SLC5A12: variants seen among roughly 807,000 people sequenced by gnomAD.
SLC5A12 encodes the protein sodium-coupled monocarboxylate transporter 2.
Under a neutral mutation model 72.7 loss-of-function variants are expected in SLC5A12, and 46 were observed. The ratio of observed to expected loss-of-function variants is 0.63; its 90% CI spans 0.50 to 0.81. The LOEUF (loss-of-function observed/expected upper bound fraction) is 0.81, where lower values mean the gene tolerates loss of function less well. Among genes scored for constraint, SLC5A12 ranks in the 30% least tolerant of loss-of-function variants. The pLI is 0.00. For missense variants in SLC5A12, 683 were observed against 740.7 expected, an observed-to-expected ratio of 0.92 and a Z score of 0.90; for synonymous variants, 275 against 264.4, an observed-to-expected ratio of 1.04 and a Z score of -0.39.
chr11:26,678,726 A>C lies in SLC5A12; in HGVS notation c.1565T>G (p.Ile522Ser). ...CLGCIVAGVIISLITGRQRGE... is the reference protein window; with the variant it reads ...CLGCIVAGVISSLITGRQRGE... ...TTATAACCAACCTGTTATGAGGCTG[A>C]TGATTACTCCAGCAACAATGCATCC... The change falls in exon 13 of 15, where the codon ATC becomes AGC. Residue 522 changes from isoleucine (I) to serine (S), a missense_variant. Physicochemically the swap from Ile to Ser is moderately radical, Grantham distance 142. Transcript: ENST00000396005. 2.5e-6 allele frequency: 4 copies of C among 1,612,442 alleles called. No homozygotes were observed. Among genetic ancestry groups the C allele is most frequent in the Non-Finnish European group, 3.4e-6 (4 of 1,178,944 alleles).
At chr11:26,679,370 T>G (rs1854337771) in intron 12 of SLC5A12, among the ~76,000 whole-genome samples, 1 of 152,128 alleles carries the variant, frequency 6.6e-6, no homozygotes, top group African/African-American at 2.4e-5. Flanking sequence ...GGAATTAGCA[T>G]TCTAAGAAGA....
chr11:26,693,831 A>G (rs1854742858), intron 8 of SLC5A12, among the ~76,000 whole-genome samples: 1 of 152,114 alleles, frequency 6.6e-6, no homozygotes, highest in South Asian at 2.1e-4. Flanking sequence ...ATATCTGAAA[A>G]CTAATTGCTT....
chr11:26,697,688 G>A (rs1485743281), intron 7 of SLC5A12, among the ~76,000 whole-genome samples: 1 of 152,100 alleles, frequency 6.6e-6, no homozygotes, highest in Non-Finnish European at 1.5e-5. Flanking sequence ...TTTAAGTTAT[G>A]CTGAGAAGAC....
intron 11 of SLC5A12, among the ~76,000 whole-genome samples, chr11:26,682,800 T>C (rs1266581274): frequency 6.6e-6 from 1 of 152,166 alleles, no homozygotes; most frequent in Non-Finnish European, 1.5e-5. Flanking sequence ...TTCCCTCACA[T>C]TATCTCCCCA....
chr11:26,711,344 T>C lies in SLC5A12; in HGVS notation c.420A>G (p.Gly140=). ...CCAGGGCAGGAGCATACACCACCAC[T>C]CCTGTGTAGAGAATCTGGTAGAGAA... ...IYIVQTILYT[G]VVVYAPALAL... is the part of the protein sequence containing the mutation. The change falls in exon 3 of 15, where the codon GGA becomes GGG. Residue 140 remains glycine (G), a synonymous_variant. Coordinates refer to ENST00000396005, the MANE Select transcript of SLC5A12 (RefSeq NM_178498.4). 1.2e-6 allele frequency: 2 copies of C among 1,611,600 alleles called. No homozygotes were observed. The highest frequency in any genetic ancestry group is 1.7e-6 in the Non-Finnish European group (2 of 1,178,492).
intron 12 of SLC5A12, among the ~76,000 whole-genome samples, chr11:26,679,586 T>C (rs1434165288): frequency 6.6e-6 from 1 of 152,072 alleles, no homozygotes; most frequent in African/African-American, 2.4e-5. Flanking sequence ...TCTTGAAAGA[T>C]AAACAGATTT....
rs1565179565 is a variant in SLC5A12, at chr11:26,669,207, C to CTTTCTT, written c.*1889_*1894dup. ...TCTTCTTTTCTTTCTTTCTTTCTTT[C>CTTTCTT]TTTCTTTCTTTCTCTCTCTCCCTCC... On this transcript the variant is annotated 3_prime_UTR_variant, in exon 15 of 15. Coordinates refer to ENST00000396005, the MANE Select transcript of SLC5A12 (RefSeq NM_178498.4). 1.5e-4 allele frequency: 18 copies of CTTTCTT among 119,432 alleles called. No homozygotes were observed. Among genetic ancestry groups the CTTTCTT allele is most frequent in the African/African-American group, 3.0e-4 (10 of 33,766 alleles). The allele number at this position is 119,432 out of a possible 1,614,324, so 7.4% of individuals were successfully genotyped here. A position where few individuals can be genotyped will look rare whatever the true frequency, so the allele number is the denominator to read the frequency against.
chr11:26,687,512 TA>T (rs1854565451), intron 9 of SLC5A12, among the ~76,000 whole-genome samples: 1 of 152,230 alleles, frequency 6.6e-6, no homozygotes, highest in African/African-American at 2.4e-5. Context: ...GCCAGTGCCA[TA>T]AAGTTAGAAT....
intron 12 of SLC5A12, among the ~76,000 whole-genome samples, chr11:26,679,353 A>G (rs1022724646): frequency 1.3e-5 from 2 of 152,164 alleles, no homozygotes; most frequent in Non-Finnish European, 2.9e-5. Context: ...GAGGGTAGTC[A>G]GGGCCAGGAA....
rs1457101424 is a variant in SLC5A12, at chr11:26,678,529, TAGTC to T, written c.1579+179_1579+182del. ...CGTGAATATATGTTTTATATATTAATAGTCAGGTATATAATAATGAAGGGTGCCT... is the reference window on the plus strand; with the variant it reads ...CGTGAATATATGTTTTATATATTAATAGGTATATAATAATGAAGGGTGCCT... On this transcript the variant is annotated intron_variant, in intron 13 of 14. Coordinates refer to ENST00000396005, the MANE Select transcript of SLC5A12 (RefSeq NM_178498.4). 2.0e-5 allele frequency among the ~76,000 whole-genome samples: 3 copies of T among 152,138 alleles called. No individual in the cohort carries two copies. The East Asian group carries it at 5.8e-4, about 29-fold the overall frequency.
intron 1 of SLC5A12, among the ~76,000 whole-genome samples, chr11:26,718,504 G>T (rs1243692335): frequency 1.3e-5 from 2 of 152,180 alleles, no homozygotes; most frequent in African/African-American, 4.8e-5. Context: ...CTGTTGCCCA[G>T]GTTGGAGTGC....
intron 1 of SLC5A12, among the ~76,000 whole-genome samples, chr11:26,714,270 A>T (rs1161006191): frequency 6.6e-6 from 1 of 152,142 alleles, no homozygotes; most frequent in South Asian, 2.1e-4. Flanking sequence ...ACATTCATTC[A>T]TTCAACAAAT....
intron 9 of SLC5A12, among the ~76,000 whole-genome samples, chr11:26,690,381 T>G (rs1276146577): frequency 1.3e-5 from 2 of 152,022 alleles, no homozygotes; most frequent in African/African-American, 2.4e-5. Context: ...CTCTTGTAAT[T>G]AAAGAAAATA....
At chr11:26,701,521 A>G (rs1359164624) in intron 6 of SLC5A12, among the ~76,000 whole-genome samples, 3 of 152,200 alleles carry the variant, frequency 2.0e-5, no homozygotes, top group South Asian at 4.1e-4. Context: ...AGGCAACTAT[A>G]GGAATGGGAT....
rs1340128400 is a variant in SLC5A12 at position 26,715,353 on chromosome 11, G to A, written c.340-2647C>T. ...AGGGCAGATCAGAAGGCTTGAGGGT[G>A]TTATCATTGGCACTCAGCCAATTAC... On this transcript the variant is annotated intron_variant, in intron 1 of 14. Coordinates refer to ENST00000396005, the MANE Select transcript of SLC5A12 (RefSeq NM_178498.4). Among the ~76,000 whole-genome samples the A allele has an allele frequency of 2.6e-5, 4 of 152,038 alleles. No homozygotes were observed. In the East Asian group the frequency reaches 7.7e-4, roughly 29 times the overall value.
chr11:26,672,408 TGCCCTTAATCAA>T (rs1565181707), intron 14 of SLC5A12, among the ~76,000 whole-genome samples: 1 of 152,124 alleles, frequency 6.6e-6, no homozygotes, highest in African/African-American at 2.4e-5. Flanking sequence ...AAAATACTCC[TGCCCTTAATCAA>T]GCTGGGAAGA....
intron 9 of SLC5A12, among the ~76,000 whole-genome samples, chr11:26,687,846 C>A (rs1466480706): frequency 6.6e-6 from 1 of 152,094 alleles, no homozygotes; most frequent in Non-Finnish European, 1.5e-5. Flanking sequence ...AGATAGGCTA[C>A]TATTAGATAG....
rs1302875007 is a variant in SLC5A12 at position 26,667,774 on chromosome 11, TA to T, written c.*3327del. On this transcript the variant is annotated 3_prime_UTR_variant, in exon 15 of 15. Transcript: ENST00000396005. ...TAATATTTTATTTAAACTCTGGCAT[TA>T]AAAAAACTACTCTTTGGAAATTTAG... is the stretch of plus-strand genomic sequence containing the variant. The T allele has an allele frequency of 6.6e-6, 1 of 151,960 alleles. No individual in the cohort carries two copies. The highest frequency in any genetic ancestry group is 1.5e-5 in the Non-Finnish European group (1 of 67,938). The allele number at this position is 151,960 out of a possible 1,614,324, so 9.4% of individuals were successfully genotyped here. A position where few individuals can be genotyped will look rare whatever the true frequency, so the allele number is the denominator to read the frequency against.
At chr11:26,674,296 G>A (rs1854214206) in intron 13 of SLC5A12, among the ~76,000 whole-genome samples, 1 of 151,286 alleles carries the variant, frequency 6.6e-6, no homozygotes, top group South Asian at 2.1e-4. Flanking sequence ...TGGAGTAGTG[G>A]TTACACTGTT....
Sources: allele counts gnomAD v4.1 joint callset (sites outside exome capture counted in the v4.1 genomes callset), GRCh38; gene constraint gnomAD v4.1.1; transcripts MANE v1.5; gene names NCBI Gene and HGNC (gene_info 2026-07-23, HGNC 2026-07-21).